Variants in TPRA1 observed in about 807,000 individuals in gnomAD.
The protein encoded by TPRA1 is transmembrane protein adipocyte-associated 1.
Under a neutral mutation model 40.1 loss-of-function variants are expected in TPRA1, and 28 were observed. That is an observed-to-expected ratio of 0.70 (90% CI 0.52 to 0.96). The LOEUF (loss-of-function observed/expected upper bound fraction) is 0.96, where lower values mean the gene tolerates loss of function less well. Ranked by LOEUF, TPRA1 falls within the 40% of genes least tolerant of loss-of-function variation. TPRA1 has a pLI of 0.00. For missense variants in TPRA1, 441 were observed against 482.6 expected, an observed-to-expected ratio of 0.91 and a Z score of 0.81; for synonymous variants, 219 against 209.7, an observed-to-expected ratio of 1.04 and a Z score of -0.38.
chr3:127,585,825 T>G (rs1327224992), intron 1 of TPRA1, among the ~76,000 whole-genome samples: 2 of 152,138 alleles, frequency 1.3e-5, no homozygotes, highest in South Asian at 2.1e-4. Flanking sequence ...GGACCAGAAG[T>G]TGAGTCTCCA....
At chr3:127,588,447 G>A (rs1576396511) in intron 1 of TPRA1, among the ~76,000 whole-genome samples, 1 of 143,272 alleles carries the variant, frequency 7.0e-6, no homozygotes, top group East Asian at 2.0e-4. Context: ...TTGAGACAGA[G>A]TCTCGCTTTG....
intron 1 of TPRA1, chr3:127,587,003 ACT>A (rs2074022078): frequency 2.0e-5 from 3 of 151,944 alleles, no homozygotes; most frequent in Non-Finnish European, 4.4e-5. Context: ...CAGACTCTAG[ACT>A]CTCTGGAAGT....
Position 127,575,955 on chromosome 3 carries a change from G to A in TPRA1, c.594C>T (p.Ser198=). The change falls in exon 7 of 11, where the codon TCC becomes TCT. Residue 198 remains serine (S), a synonymous_variant. Coordinates refer to ENST00000355552, the MANE Select transcript of TPRA1 (RefSeq NM_001136053.4). ...TGAACCTCACCAGGAAGAAGAAGCA[G>A]GAGCTGACCAGCCAGAACTGGCGGC... is the stretch of plus-strand genomic sequence containing the variant. ...HGGRQFWLVS[S]CFFFLVYSLV... 6.2e-7 allele frequency: 1 copy of A among 1,614,030 alleles called. No homozygotes were observed. The highest frequency in any genetic ancestry group is 8.5e-7 in the Non-Finnish European group (1 of 1,180,020).
At chr3:127,592,319 C>T (rs58628650), upstream of TPRA1, among the ~76,000 whole-genome samples, 131 of 151,370 alleles carry the variant, frequency 8.7e-4, no homozygotes, top group African/African-American at 3.1e-3. Context: ...GGTTCGAACC[C>T]TGCGAGCGCG....
At chr3:127,595,851 G>GTA (rs2074235528) in intron 1 of TPRA1, among the ~76,000 whole-genome samples, 1 of 152,240 alleles carries the variant, frequency 6.6e-6, no homozygotes, top group African/African-American at 2.4e-5. Context: ...GGGAAACTAA[G>GTA]TCTTCAGTCC....
intron 7 of TPRA1, 56 bp downstream of exon 7, chr3:127,575,884 A>G (rs1387553208): frequency 1.9e-6 from 3 of 1,609,830 alleles, no homozygotes; most frequent in African/African-American, 1.3e-5. Flanking sequence ...CAGGAATCCA[A>G]TCCCTACCTG....
At position 127,577,046 on chromosome 3, in the gene TPRA1, G is replaced by A. The variant is rs1318022042; in HGVS notation, c.289C>T (p.Arg97Trp). 6.8e-6 allele frequency: 11 copies of A among 1,613,436 alleles called. No individual in the cohort carries two copies. Among genetic ancestry groups the A allele is most frequent in the East Asian group, 4.5e-5 (2 of 44,886 alleles). The change falls in exon 4 of 11, where the codon CGG (arginine) becomes TGG (tryptophan). Residue 97 changes from arginine (R) to tryptophan (W), a missense_variant. Physicochemically the swap from Arg to Trp is moderately radical, Grantham distance 101. Coordinates refer to ENST00000355552, the MANE Select transcript of TPRA1 (RefSeq NM_001136053.4). The part of the protein sequence containing the change: ...VFVVALVGIA[R>W]AVVSMTVSTS... Reference sequence around the variant, plus strand: ...CTCACCGTCATGGATACCACGGCCCGGGCAATGCCCACCAGCGCCACCACA... The same window carrying A: ...CTCACCGTCATGGATACCACGGCCCAGGCAATGCCCACCAGCGCCACCACA...
chr3:127,580,939 G>C (rs552585256), intron 1 of TPRA1, among the ~76,000 whole-genome samples: 4 of 152,246 alleles, frequency 2.6e-5, no homozygotes, highest in Admixed American at 2.6e-4. Context: ...CCAGGGACAG[G>C]GTGGGTCCAT....
intron 8 of TPRA1, 95 bp from the exon 9 acceptor site, chr3:127,575,600 G>A (rs1273756600): frequency 6.1e-6 from 9 of 1,463,652 alleles, no homozygotes; most frequent in Admixed American, 2.0e-5. Flanking sequence ...TGTGTCCCCC[G>A]GGGCCCCTCT....
chr3:127,583,328 A>G (rs2073891581), intron 1 of TPRA1, among the ~76,000 whole-genome samples: 1 of 151,534 alleles, frequency 6.6e-6, no homozygotes, highest in South Asian at 2.1e-4. Flanking sequence ...AAAAAAAAAA[A>G]GAAACAAACA....
intron 1 of TPRA1, among the ~76,000 whole-genome samples, chr3:127,596,443 C>T (rs2074241754): frequency 6.6e-6 from 1 of 152,196 alleles, no homozygotes; most frequent in African/African-American, 2.4e-5. Flanking sequence ...CTTCAGCTTT[C>T]CTGTCAGCAG....
At position 127,575,518 on chromosome 3, in the gene TPRA1, C is replaced by T. The variant is rs1468653806; in HGVS notation, c.671-13G>A. 2 of 1,540,820 alleles carry T rather than the reference C, an allele frequency of 1.3e-6. No individual in the cohort carries two copies. On this transcript the variant is annotated splice_polypyrimidine_tract_variant and intron_variant, in intron 8 of 10. Coordinates refer to ENST00000355552, the MANE Select transcript of TPRA1 (RefSeq NM_001136053.4). ...AAGCTCCTCCGAGCTGGGGGCCGGA[C>T]AGGGTGGGTCGTGAGGTCCCACCCT...
chr3:127,573,840 A>G, intron 10 of TPRA1, 52 bp from the exon 11 acceptor site: 1 of 1,514,954 alleles, frequency 6.6e-7, no homozygotes, highest in Non-Finnish European at 8.9e-7. Context: ...ATTCAGGAAG[A>G]GCCTTCCTCT....
upstream of TPRA1, among the ~76,000 whole-genome samples, chr3:127,593,741 G>T (rs1248331118): frequency 6.6e-6 from 1 of 152,188 alleles, no homozygotes; most frequent in African/African-American, 2.4e-5. Flanking sequence ...ATGGACTATT[G>T]CAGATTCAGC....
At chr3:127,585,931 T>G (rs1248867381) in intron 1 of TPRA1, among the ~76,000 whole-genome samples, 1 of 152,222 alleles carries the variant, frequency 6.6e-6, no homozygotes, top group Non-Finnish European at 1.5e-5. Context: ...TGTGGATTTT[T>G]TTGTGTGCAG....
Position 127,581,783 on chromosome 3 carries a change from A to G in TPRA1, c.-17-1620T>C, listed in dbSNP as rs544642523. On this transcript the variant is annotated intron_variant, in intron 1 of 10. Coordinates refer to ENST00000355552, the MANE Select transcript of TPRA1 (RefSeq NM_001136053.4). The stretch of plus-strand genomic sequence containing the variant: ...AAAAAAAAAAAAAAATTAGTTGGGC[A>G]TGGTGGCATGTGCCTATAGTCCCAG... Among the ~76,000 whole-genome samples, 31 of 151,858 alleles carry G rather than the reference A, an allele frequency of 2.0e-4. 2 individuals carry two copies. The South Asian group carries it at 6.5e-3, about 32-fold the overall frequency.
In TPRA1 at chr3:127,576,977, G is replaced by A. The variant is rs772367080; in HGVS notation, c.345+13C>T. 6 of 1,613,598 alleles carry A rather than the reference G, an allele frequency of 3.7e-6. No homozygotes were observed. The African/African-American group carries it at 8.0e-5, about 22-fold the overall frequency. ...CAGGCCTCCCTGGCCTCCCTCAGAGGGCCCAGCCGCACCTTATCAGCAACA... is the reference window on the plus strand; with the variant it reads ...CAGGCCTCCCTGGCCTCCCTCAGAGAGCCCAGCCGCACCTTATCAGCAACA... On this transcript the variant is annotated intron_variant, in intron 4 of 10. Coordinates refer to ENST00000355552, the MANE Select transcript of TPRA1 (RefSeq NM_001136053.4). The surrounding 1 kb of genome is among the most constrained non-coding windows in gnomAD (Gnocchi z 4.6).
intron 1 of TPRA1, among the ~76,000 whole-genome samples, chr3:127,581,589 C>A (rs958404756): frequency 6.6e-6 from 1 of 152,142 alleles, no homozygotes; most frequent in South Asian, 2.1e-4. Context: ...ACTCCTAAGT[C>A]ATAGGTGTAC....
chr3:127,573,740 T>C lies in TPRA1; in HGVS notation c.903A>G (p.Thr301=). 6.3e-7 allele frequency: 1 copy of C among 1,594,684 alleles called. No individual in the cohort carries two copies. Among genetic ancestry groups the C allele is most frequent in the Non-Finnish European group, 8.6e-7 (1 of 1,165,528 alleles). ...GGGGTAGGTGTACATCTGGCTCCTC[T>C]GTCTCGTCCACTTGGCATTTGTAGG... ...LFSYKCQVDE[T]EEPDVHLPQP... The change falls in exon 11 of 11, where the codon ACA becomes ACG. Residue 301 remains threonine, a synonymous_variant. Transcript: ENST00000355552.
Sources: allele counts gnomAD v4.1 joint callset (sites outside exome capture counted in the v4.1 genomes callset), GRCh38; gene constraint gnomAD v4.1.1; non-coding constraint Gnocchi (gnomAD v3.1); transcripts MANE v1.5; gene names NCBI Gene and HGNC (gene_info 2026-07-23, HGNC 2026-07-21).